Variants in DLGAP2 observed in about 807,000 individuals in gnomAD.
DLGAP2 encodes disks large-associated protein 2.
A neutral mutation model predicts 100.3 loss-of-function variants in DLGAP2; 26 were observed. The ratio of observed to expected loss-of-function variants is 0.26; its 90% CI spans 0.19 to 0.36. DLGAP2 has a LOEUF of 0.36. DLGAP2 is among the 10% of genes least tolerant of loss of function. The probability of loss-of-function intolerance (pLI) is 1.00; values close to 1 mark genes in which losing one functional copy is unlikely to be tolerated. For missense variants in DLGAP2, 1,858 were observed against 1,453.2 expected (o/e 1.28, Z -4.53); for synonymous variants, 886 against 630.1 (o/e 1.41, Z -6.08).
intron 2 of DLGAP2, chr8:910,274 A>G (rs1798458527): frequency 6.6e-6 from 1 of 152,240 alleles, no homozygotes; most frequent in African/African-American, 2.4e-5. Flanking sequence ...GAAATGCTTT[A>G]TACTCCATTA....
chr8:1,220,425 C>A lies in DLGAP2; in HGVS notation c.74-38426C>A, dbSNP rs1249915185. Among the ~76,000 whole-genome samples the A allele has an allele frequency of 2.6e-5, 4 of 152,048 alleles. No homozygotes were observed. In the East Asian group the frequency reaches 7.7e-4, roughly 29 times the overall value. On this transcript the variant is annotated intron_variant, in intron 2 of 14. Coordinates refer to ENST00000637795, the MANE Select transcript of DLGAP2 (RefSeq NM_001346810.2). ...ATATTGTATGATTTTGAGCAATGTT[C>A]TTGGTGTTGATCTCTGTTTTTATTG...
In DLGAP2 at chr8:1,706,097, C is replaced by A. The variant is rs1173304553; in HGVS notation, c.*4691C>A. ...TACATTGTTGGCCATAAACAAAGTG[C>A]TAAAGGAAAGGGTTTGCTTCTACAC... On this transcript the variant is annotated 3_prime_UTR_variant, in exon 15 of 15. Transcript: ENST00000637795. The A allele has an allele frequency of 6.6e-6, 1 of 152,182 alleles. No homozygotes were observed. 9.4% of individuals were successfully genotyped at this position (152,182 alleles called of 1,614,324 possible). A position where few individuals can be genotyped will look rare whatever the true frequency, so the allele number is the denominator to read the frequency against.
At chr8:902,532 C>G (rs539769820) in intron 1 of DLGAP2, among the ~76,000 whole-genome samples, 5 of 134,910 alleles carry the variant, frequency 3.7e-5, no homozygotes, top group African/African-American at 1.4e-4. Context: ...GATACAGCCC[C>G]GGCGGCCTTG....
chr8:1,021,905 AC>A (rs982722263), intron 2 of DLGAP2, among the ~76,000 whole-genome samples: 7 of 150,798 alleles, frequency 4.6e-5, no homozygotes, highest in Admixed American at 2.6e-4. Flanking sequence ...GACCATCTCC[AC>A]CCCCCACTTC....
intron 1 of DLGAP2, among the ~76,000 whole-genome samples, chr8:842,840 C>T (rs189567546): frequency 3.9e-5 from 6 of 152,206 alleles, no homozygotes; most frequent in Non-Finnish European, 7.4e-5. Context: ...TCATTTATTT[C>T]TAAACGTTTT....
At chr8:1,381,790 TG>T (rs1796101417) in intron 3 of DLGAP2, among the ~76,000 whole-genome samples, 1 of 117,324 alleles carries the variant, frequency 8.5e-6, no homozygotes, top group Admixed American at 9.7e-5. Flanking sequence ...CTAGTGTGTG[TG>T]TGTGTGTGTG....
Position 879,239 on chromosome 8 carries a change from G to C in DLGAP2, c.19-28673G>C, listed in dbSNP as rs111566540. 1.4e-4 allele frequency among the ~76,000 whole-genome samples: 21 copies of C among 152,296 alleles called. 1 individual carries two copies. Among genetic ancestry groups the C allele is most frequent in the African/African-American group, 5.1e-4 (21 of 41,568 alleles). ...AGGCACATAGATAATTTCCCTGTTA[G>C]CCACTGACTAGAGAAGAATTATTCA... On this transcript the variant is annotated intron_variant, in intron 1 of 14. Coordinates refer to ENST00000637795, the MANE Select transcript of DLGAP2 (RefSeq NM_001346810.2).
chr8:1,665,573 C>T (rs1331042222), intron 8 of DLGAP2, among the ~76,000 whole-genome samples: 1 of 152,168 alleles, frequency 6.6e-6, no homozygotes, highest in Non-Finnish European at 1.5e-5. Context: ...ATCTATATTC[C>T]CGCGTCTCTC....
chr8:873,724 C>A (rs1022888851), intron 1 of DLGAP2, among the ~76,000 whole-genome samples: 1 of 151,784 alleles, frequency 6.6e-6, no homozygotes, highest in Non-Finnish European at 1.5e-5. Flanking sequence ...TTTTCCATTT[C>A]TTGGAAGAAT....
At chr8:1,372,491 T>C (rs1802265916) in intron 3 of DLGAP2, among the ~76,000 whole-genome samples, 1 of 152,198 alleles carries the variant, frequency 6.6e-6, no homozygotes, top group South Asian at 2.1e-4. Context: ...TCAGCTCTCC[T>C]GACGTCCGGG....
chr8:863,917 G>A (rs1361509952), intron 1 of DLGAP2, among the ~76,000 whole-genome samples: 3 of 152,214 alleles, frequency 2.0e-5, no homozygotes, highest in African/African-American at 4.8e-5. Flanking sequence ...GGTCCATTGC[G>A]GCACCCTTCC....
intron 1 of DLGAP2, among the ~76,000 whole-genome samples, chr8:769,307 T>C (rs745749414): frequency 3.9e-5 from 6 of 152,024 alleles, no homozygotes; most frequent in Non-Finnish European, 5.9e-5. Context: ...AGTTTCCACT[T>C]GGATATCCAG....
chr8:1,182,288 C>G (rs1797406221), intron 2 of DLGAP2, among the ~76,000 whole-genome samples: 1 of 152,242 alleles, frequency 6.6e-6, no homozygotes. Flanking sequence ...AAGGGCAAAG[C>G]TGTGTTCACC....
chr8:1,659,090 C>T (rs1055293682), intron 8 of DLGAP2, among the ~76,000 whole-genome samples: 54 of 152,138 alleles, frequency 3.5e-4, no homozygotes, highest in Non-Finnish European at 1.6e-4. Context: ...GCCTTAATTT[C>T]GTTATTTACC....
At position 1,317,190 on chromosome 8, in the gene DLGAP2, G is replaced by C. The variant is rs1290907874; in HGVS notation, c.106+58307G>C. On this transcript the variant is annotated intron_variant, in intron 3 of 14. Transcript: ENST00000637795. ...TAAAAATAGAGCGTGTGTGAGTGCA[G>C]CGTCTCTCCAACAGTGGTCTACACT... Among the ~76,000 whole-genome samples the C allele has an allele frequency of 6.2e-5, 8 of 129,164 alleles. 1 individual carries two copies. The highest frequency in any genetic ancestry group is 1.6e-5 in the Non-Finnish European group (1 of 62,724). The allele number at this position is 129,164 out of a possible 152,430, so 84.7% of individuals were successfully genotyped here. A position where few individuals can be genotyped will look rare whatever the true frequency, so the allele number is the denominator to read the frequency against.
At chr8:767,385 C>G (rs1821242835) in intron 1 of DLGAP2, among the ~76,000 whole-genome samples, 1 of 130,558 alleles carries the variant, frequency 7.7e-6, no homozygotes, top group Non-Finnish European at 1.6e-5. Flanking sequence ...GAGTTTCGGT[C>G]TGTCGCCCAT....
chr8:781,994 C>G (rs1265302814), intron 1 of DLGAP2, among the ~76,000 whole-genome samples: 2 of 151,926 alleles, frequency 1.3e-5, no homozygotes, highest in African/African-American at 4.8e-5. Context: ...AAAGAGAAAA[C>G]CTGGTGTTCA....
chr8:1,032,966 G>T (rs1327490177), intron 2 of DLGAP2: 1 of 152,258 alleles, frequency 6.6e-6, no homozygotes, highest in Non-Finnish European at 1.5e-5. Flanking sequence ...GGGTGCTGGT[G>T]TTCAGATACC....
chr8:802,662 C>T (rs1159662822), intron 1 of DLGAP2, among the ~76,000 whole-genome samples: 1 of 152,102 alleles, frequency 6.6e-6, no homozygotes, highest in Non-Finnish European at 1.5e-5. Flanking sequence ...GTCTTTTAGA[C>T]AGGTTTTCCC....
Sources: gnomAD v4.1 joint callset for allele counts (sites outside exome capture counted in the v4.1 genomes callset) on GRCh38, gnomAD v4.1.1 for gene constraint, MANE v1.5 for transcripts, NCBI Gene and HGNC (gene_info 2026-07-23, HGNC 2026-07-21) for gene names.